NSG2: variants seen among roughly 807,000 people sequenced by gnomAD.
NSG2 encodes neuronal vesicle trafficking-associated protein 2.
NSG2 carries 4 observed loss-of-function variants against 16.9 expected under a neutral mutation model. The observed-to-expected ratio is 0.24, with a 90% CI of 0.12 to 0.54. The LOEUF (loss-of-function observed/expected upper bound fraction) is 0.54, where lower values mean the gene tolerates loss of function less well. Among genes scored for constraint, NSG2 ranks in the 20% least tolerant of loss-of-function variants. The probability of loss-of-function intolerance (pLI) is 0.95; values close to 1 mark genes in which losing one functional copy is unlikely to be tolerated. For synonymous variants in NSG2, 98 were observed against 88.7 expected (o/e 1.11, Z -0.59); for missense variants, 179 against 221.1 (o/e 0.81, Z 1.21).
chr5:174,085,111 G>A (rs1185671873), intron 3 of NSG2, among the ~76,000 whole-genome samples: 1 of 152,208 alleles, frequency 6.6e-6, no homozygotes, highest in East Asian at 1.9e-4. Context: ...GGCTATTTTA[G>A]TGGCAGGAAG....
chr5:174,047,803 A>G (rs1251346325), intron 2 of NSG2, among the ~76,000 whole-genome samples: 1 of 152,230 alleles, frequency 6.6e-6, no homozygotes, highest in Non-Finnish European at 1.5e-5. Context: ...GGTCCACCTG[A>G]GACAACCTGG....
At chr5:174,099,773 A>G (rs564982985) in intron 3 of NSG2, among the ~76,000 whole-genome samples, 4 of 151,984 alleles carry the variant, frequency 2.6e-5, no homozygotes, top group African/African-American at 7.2e-5. Flanking sequence ...ATGTTCTTCC[A>G]TGAAGTCACT....
chr5:174,094,099 G>A (rs1490677279), intron 3 of NSG2, among the ~76,000 whole-genome samples: 1 of 152,204 alleles, frequency 6.6e-6, no homozygotes, highest in African/African-American at 2.4e-5. Flanking sequence ...CGCCAATTAA[G>A]GTATGGTTAG....
chr5:174,061,878 C>T (rs924886006), intron 2 of NSG2, among the ~76,000 whole-genome samples: 1 of 150,658 alleles, frequency 6.6e-6, no homozygotes, highest in Admixed American at 6.6e-5. Flanking sequence ...GCTGGGATTA[C>T]AGGCGGGAGC....
At chr5:174,059,204 G>A (rs1043034840) in intron 2 of NSG2, among the ~76,000 whole-genome samples, 7 of 152,034 alleles carry the variant, frequency 4.6e-5, no homozygotes, top group African/African-American at 1.4e-4. Flanking sequence ...ATGACATCAC[G>A]CAGTATATAA....
At chr5:174,090,492 C>A (rs999015747) in intron 3 of NSG2, among the ~76,000 whole-genome samples, 1 of 152,164 alleles carries the variant, frequency 6.6e-6, no homozygotes, top group Non-Finnish European at 1.5e-5. Flanking sequence ...ATTGTAAGTA[C>A]AAGTTAGGCA....
At chr5:174,098,902 G>A (rs968285026) in intron 3 of NSG2, among the ~76,000 whole-genome samples, 1 of 152,164 alleles carries the variant, frequency 6.6e-6, no homozygotes, top group African/African-American at 2.4e-5. Flanking sequence ...TGTTTATCGC[G>A]AGGCTCAGGT....
chr5:174,081,219 G>T (rs1163248315), intron 3 of NSG2, among the ~76,000 whole-genome samples: 1 of 151,798 alleles, frequency 6.6e-6, no homozygotes, highest in Non-Finnish European at 1.5e-5. Flanking sequence ...CTCTTTTTCT[G>T]ATATTTAGTT....
chr5:174,054,285 A>C (rs1403445888), intron 2 of NSG2, among the ~76,000 whole-genome samples: 1 of 152,242 alleles, frequency 6.6e-6, no homozygotes, highest in African/African-American at 2.4e-5. Flanking sequence ...AATGTTAGGG[A>C]AATGGGAATT....
At chr5:174,101,056 C>T (rs987338701) in intron 3 of NSG2, among the ~76,000 whole-genome samples, 1 of 152,190 alleles carries the variant, frequency 6.6e-6, no homozygotes, top group African/African-American at 2.4e-5. Context: ...GCTCTGAACT[C>T]CCTCCTGAGC....
At chr5:174,055,093 G>A (rs1421544991) in intron 2 of NSG2, among the ~76,000 whole-genome samples, 1 of 152,172 alleles carries the variant, frequency 6.6e-6, no homozygotes, top group East Asian at 1.9e-4. Context: ...AGGTCACAGG[G>A]CTACCCCAGG....
At chr5:174,068,444 A>G (rs1233762687) in intron 3 of NSG2, among the ~76,000 whole-genome samples, 1 of 152,228 alleles carries the variant, frequency 6.6e-6, no homozygotes, top group African/African-American at 2.4e-5. Flanking sequence ...TTAATCTGAG[A>G]GCAAGGGGTT....
At chr5:174,060,661 C>T (rs906729389) in intron 2 of NSG2, among the ~76,000 whole-genome samples, 1 of 152,100 alleles carries the variant, frequency 6.6e-6, no homozygotes, top group African/African-American at 2.4e-5. Flanking sequence ...CTCATGAGCC[C>T]GAAATCAAGG....
At chr5:174,069,464 C>T (rs954057656) in intron 3 of NSG2, among the ~76,000 whole-genome samples, 6 of 152,060 alleles carry the variant, frequency 3.9e-5, no homozygotes, top group Non-Finnish European at 7.4e-5. Flanking sequence ...AGACTAGGCT[C>T]GCCTAGGCAT....
At chr5:174,056,825 T>C (rs967145965) in intron 2 of NSG2, among the ~76,000 whole-genome samples, 8 of 152,264 alleles carry the variant, frequency 5.3e-5, no homozygotes, top group Non-Finnish European at 1.0e-4. Context: ...TGTGGGAACG[T>C]CTTCATTATT....
At chr5:174,080,801 G>T (rs1409718631) in intron 3 of NSG2, among the ~76,000 whole-genome samples, 2 of 152,076 alleles carry the variant, frequency 1.3e-5, no homozygotes, top group African/African-American at 2.4e-5. Flanking sequence ...GATCTCAGGT[G>T]ATCCGCCCGC....
chr5:174,089,429 T>G (rs1760688182), intron 3 of NSG2, among the ~76,000 whole-genome samples: 1 of 152,002 alleles, frequency 6.6e-6, no homozygotes, highest in Admixed American at 6.6e-5. Flanking sequence ...TTTTTCCATG[T>G]CTAGTGTCAG....
At chr5:174,049,327 G>A (rs905396592) in intron 2 of NSG2, among the ~76,000 whole-genome samples, 4 of 151,980 alleles carry the variant, frequency 2.6e-5, no homozygotes, top group Non-Finnish European at 4.4e-5. Context: ...GCGACAGAGC[G>A]AGACACTGTC....
chr5:174,070,813 C>G (rs1184636004), intron 3 of NSG2, among the ~76,000 whole-genome samples: 1 of 152,164 alleles, frequency 6.6e-6, no homozygotes, highest in Non-Finnish European at 1.5e-5. Context: ...ACCTGCAGCC[C>G]CCTCTAGCTT....
Sources: allele counts gnomAD v4.1 joint callset (sites outside exome capture counted in the v4.1 genomes callset), GRCh38; gene constraint gnomAD v4.1.1; transcripts MANE v1.5; gene names NCBI Gene and HGNC (gene_info 2026-07-23, HGNC 2026-07-21).